The following CACNA1E variants were observed in gnomAD, a reference collection of about 807,000 sequenced individuals.
The protein encoded by CACNA1E is calcium voltage-gated channel subunit alpha1 E.
In CACNA1E, 40 loss-of-function variants were observed where a neutral mutation model predicts 259.2. That is an observed-to-expected ratio of 0.15 (90% CI 0.12 to 0.20). The LOEUF is 0.20. CACNA1E is among the 10% of genes least tolerant of loss of function. CACNA1E has a pLI of 1.00. For synonymous variants in CACNA1E, 1,104 were observed against 1,138.5 expected (o/e 0.97, Z 0.61); for missense variants, 1,874 against 3,040.1 (o/e 0.62, Z 9.02).
chr1:181,402,609 C>G (rs1198518135), intron 1 of CACNA1E, among the ~76,000 whole-genome samples: 1 of 152,196 alleles, frequency 6.6e-6, no homozygotes, highest in East Asian at 1.9e-4. Flanking sequence ...TTAGAAAGTG[C>G]TGCTGACAAC....
chr1:181,434,261 T>A (rs1395301466), intron 2 of CACNA1E, among the ~76,000 whole-genome samples: 2 of 152,238 alleles, frequency 1.3e-5, no homozygotes, highest in Non-Finnish European at 2.9e-5. Context: ...TCCTGGCAGA[T>A]AGTAAATGAT....
At chr1:181,441,241 G>A (rs1047007084) in intron 2 of CACNA1E, among the ~76,000 whole-genome samples, 10 of 152,116 alleles carry the variant, frequency 6.6e-5, no homozygotes, top group African/African-American at 2.4e-4. Flanking sequence ...TCCAGTTCCC[G>A]GGTTCAAGCA....
chr1:181,340,343 G>A (rs1336119133), intron 1 of CACNA1E, among the ~76,000 whole-genome samples: 4 of 151,804 alleles, frequency 2.6e-5, no homozygotes, highest in South Asian at 2.1e-4. Flanking sequence ...TAATTAATGC[G>A]ATTTTATAAT....
At chr1:181,610,080 T>C (rs1341368080) in intron 6 of CACNA1E, among the ~76,000 whole-genome samples, 1 of 152,106 alleles carries the variant, frequency 6.6e-6, no homozygotes, top group Non-Finnish European at 1.5e-5. Context: ...GCCTGGTCCA[T>C]TTGGTGTGCA....
At chr1:181,339,764 C>G (rs975491480) in intron 1 of CACNA1E, among the ~76,000 whole-genome samples, 1 of 151,920 alleles carries the variant, frequency 6.6e-6, no homozygotes, top group Non-Finnish European at 1.5e-5. Context: ...TATTAAAAAC[C>G]ATTTATATTT....
At chr1:181,497,874 C>T (rs1322577309) in intron 1 of CACNA1E, among the ~76,000 whole-genome samples, 1 of 152,180 alleles carries the variant, frequency 6.6e-6, no homozygotes. Flanking sequence ...TCTTTCCCAT[C>T]ATTATGGTCA....
chr1:181,345,226 G>A (rs908812092), intron 1 of CACNA1E, among the ~76,000 whole-genome samples: 1 of 152,252 alleles, frequency 6.6e-6, no homozygotes, highest in Non-Finnish European at 1.5e-5. Flanking sequence ...AGCCGTCATC[G>A]GCTGTGCTGA....
At chr1:181,560,308 G>A (rs962028322) in intron 3 of CACNA1E, among the ~76,000 whole-genome samples, 1 of 151,336 alleles carries the variant, frequency 6.6e-6, no homozygotes, top group Non-Finnish European at 1.5e-5. Flanking sequence ...ATACAGATAA[G>A]CATAAAGATA....
chr1:181,689,067 T>C (rs1367626049), intron 7 of CACNA1E, among the ~76,000 whole-genome samples: 1 of 152,172 alleles, frequency 6.6e-6, no homozygotes, highest in East Asian at 1.9e-4. Flanking sequence ...CATGGTGGTT[T>C]GCTGCGCCCA....
At chr1:181,411,433 T>G (rs902332037) in intron 1 of CACNA1E, among the ~76,000 whole-genome samples, 7 of 151,556 alleles carry the variant, frequency 4.6e-5, no homozygotes, top group African/African-American at 1.7e-4. Context: ...GAGAGAGGAG[T>G]GACCAGGGAG....
At chr1:181,527,883 CTTTAT>C (rs72170687) in intron 3 of CACNA1E, among the ~76,000 whole-genome samples, 12,596 of 151,952 alleles carry the variant, frequency 0.083, 627 homozygotes, top group South Asian at 0.25. Context: ...TATTCTTTTC[CTTTAT>C]TTTATTTGCT....
At chr1:181,460,103 C>T (rs1049993682) in intron 2 of CACNA1E, among the ~76,000 whole-genome samples, 6 of 152,126 alleles carry the variant, frequency 3.9e-5, no homozygotes, top group Non-Finnish European at 4.4e-5. Flanking sequence ...CACACTTAGA[C>T]GGAGAGGCAG....
chr1:181,472,334 AATTGT>A (rs1265980754), intron 2 of CACNA1E, among the ~76,000 whole-genome samples: 2 of 152,172 alleles, frequency 1.3e-5, no homozygotes, highest in Non-Finnish European at 2.9e-5. Context: ...AAATTAATAA[AATTGT>A]ATTGTATTAG....
At chr1:181,699,591 G>C (rs1375901718) in intron 7 of CACNA1E, among the ~76,000 whole-genome samples, 1 of 152,150 alleles carries the variant, frequency 6.6e-6, no homozygotes, top group East Asian at 1.9e-4. Context: ...AAGTCACCCT[G>C]TTTTCCTGCT....
chr1:181,367,305 C>T (rs975822481), intron 1 of CACNA1E, among the ~76,000 whole-genome samples: 4 of 152,088 alleles, frequency 2.6e-5, no homozygotes, highest in Non-Finnish European at 4.4e-5. Context: ...TTGTCACCGT[C>T]TCATCTCTCC....
chr1:181,679,833 G>A (rs1272729611), intron 7 of CACNA1E, among the ~76,000 whole-genome samples: 2 of 152,164 alleles, frequency 1.3e-5, no homozygotes, highest in Non-Finnish European at 2.9e-5. Flanking sequence ...GTCCGGGTGA[G>A]GCTGATCTTC....
chr1:181,393,878 C>T (rs963228211), intron 1 of CACNA1E, among the ~76,000 whole-genome samples: 2 of 152,196 alleles, frequency 1.3e-5, no homozygotes, highest in African/African-American at 4.8e-5. Context: ...CAAGCAGGTA[C>T]CAAGAACCTT....
intron 6 of CACNA1E, among the ~76,000 whole-genome samples, chr1:181,606,191 T>A (rs1209271597): frequency 6.6e-6 from 1 of 152,146 alleles, no homozygotes; most frequent in Non-Finnish European, 1.5e-5. Context: ...TCTTCTGAGC[T>A]CCAGACTCAT....
chr1:181,692,664 T>A (rs909690092), intron 7 of CACNA1E, among the ~76,000 whole-genome samples: 29 of 151,556 alleles, frequency 1.9e-4, no homozygotes, highest in Admixed American at 1.9e-3. Flanking sequence ...GAATTAAAAA[T>A]TTGAATATAA....
Sources: allele counts gnomAD v4.1 joint callset (sites outside exome capture counted in the v4.1 genomes callset), GRCh38; gene constraint gnomAD v4.1.1; transcripts MANE v1.5; gene names NCBI Gene and HGNC (gene_info 2026-07-23, HGNC 2026-07-21).